CELF2: variants seen among roughly 807,000 people sequenced by gnomAD.
The protein encoded by CELF2 is CUGBP Elav-like family member 2.
A neutral mutation model predicts 62.6 loss-of-function variants in CELF2; 8 were observed. The ratio of observed to expected loss-of-function variants is 0.13; its 90% CI spans 0.07 to 0.23. The LOEUF (loss-of-function observed/expected upper bound fraction) is 0.23. Among genes scored for constraint, CELF2 ranks in the 10% least tolerant of loss-of-function variants. The pLI is 1.00. For synonymous variants in CELF2, 258 were observed against 250.0 expected (o/e 1.03, Z -0.30); for missense variants, 333 against 671.0 (o/e 0.50, Z 5.56).
chr10:11,162,345 T>C (rs2065913398), intron 1 of CELF2, among the ~76,000 whole-genome samples: 1 of 152,018 alleles, frequency 6.6e-6, no homozygotes, highest in Non-Finnish European at 1.5e-5. Flanking sequence ...ATCAGGAAGG[T>C]GGGGGGTGGT....
intron 2 of CELF2, among the ~76,000 whole-genome samples, chr10:10,959,389 A>C (rs2049243626): frequency 6.6e-6 from 1 of 152,250 alleles, no homozygotes; most frequent in South Asian, 2.1e-4. Context: ...ATTATGAGCC[A>C]CTAGTTTCTA....
intron 1 of CELF2, among the ~76,000 whole-genome samples, chr10:10,879,997 T>C (rs1485974468): frequency 1.3e-5 from 2 of 152,202 alleles, no homozygotes; most frequent in Non-Finnish European, 2.9e-5. Flanking sequence ...CAAGTTTAAA[T>C]CCATTTAGCA....
chr10:10,698,178 A>T, the CELF2 span, among the ~76,000 whole-genome samples: 1 of 152,210 alleles, frequency 6.6e-6, no homozygotes. Flanking sequence ...GATCCTAAAA[A>T]GTTGTCCAAT....
chr10:10,787,839 T>G, the CELF2 span, among the ~76,000 whole-genome samples: 1 of 152,168 alleles, frequency 6.6e-6, no homozygotes, highest in Admixed American at 6.6e-5. Context: ...CAGAGAAGCA[T>G]GTGTCCCAGA....
At position 11,117,098 on chromosome 10, in the gene CELF2, G is replaced by T. The variant is rs769454470; in HGVS notation, c.75-48388G>T. The stretch of plus-strand genomic sequence containing the variant: ...GAATCCACACTCAAGCCACTATGCT[G>T]TGCTGCTTCTGAGTAATACAAGGCA... On this transcript the variant is annotated intron_variant, in intron 1 of 12. Transcript: ENST00000633077. The surrounding 1 kb of genome is among the most constrained non-coding windows in gnomAD (Gnocchi z 4.1). Among the ~76,000 whole-genome samples the T allele has an allele frequency of 3.8e-4, 58 of 152,308 alleles. No homozygotes were observed. The highest frequency in any genetic ancestry group is 2.1e-3 in the South Asian group (10 of 4,830).
chr10:10,940,001 C>T (rs533767633), intron 2 of CELF2, among the ~76,000 whole-genome samples: 21 of 152,156 alleles, frequency 1.4e-4, no homozygotes, highest in Admixed American at 1.2e-3. Context: ...TGTCAGGCAG[C>T]GTCCATAGAC....
intron 9 of CELF2, among the ~76,000 whole-genome samples, chr10:11,293,385 T>G (rs1462607343): frequency 6.6e-6 from 1 of 152,256 alleles, no homozygotes; most frequent in Non-Finnish European, 1.5e-5. Flanking sequence ...AGTAACCTAC[T>G]ACTTATATGA....
rs1389996605 is a variant in CELF2, at chr10:11,075,011, A to G, written c.74+56848A>G. The G allele has an allele frequency of 6.6e-6, 1 of 152,232 alleles. No homozygotes were observed. Among genetic ancestry groups the G allele is most frequent in the African/African-American group, 2.4e-5 (1 of 41,474 alleles). The allele number at this position is 152,232 out of a possible 1,614,324, so 9.4% of individuals were successfully genotyped here. On this transcript the variant is annotated intron_variant, in intron 1 of 12. Transcript: ENST00000633077. The surrounding 1 kb of genome is among the most constrained non-coding windows in gnomAD (Gnocchi z 5.4). ...CATGTAGGTTCCCAGTTGGGCTGCA[A>G]GAACAACCTCTTTGACTCAGAATGG...
At chr10:10,979,044 T>C (rs1015238615) in intron 2 of CELF2, among the ~76,000 whole-genome samples, 11 of 152,182 alleles carry the variant, frequency 7.2e-5, no homozygotes, top group Middle Eastern at 3.2e-3. Context: ...TCAGGGCCAG[T>C]TCTCTGCCCT....
the CELF2 span, among the ~76,000 whole-genome samples, chr10:10,684,021 C>A: frequency 6.6e-6 from 1 of 152,166 alleles, no homozygotes; most frequent in East Asian, 1.9e-4. Flanking sequence ...AAAAAAAAAT[C>A]GCACGTACTT....
At chr10:11,038,008 G>A (rs928251700) in intron 1 of CELF2, among the ~76,000 whole-genome samples, 2 of 152,184 alleles carry the variant, frequency 1.3e-5, no homozygotes, top group African/African-American at 4.8e-5. Flanking sequence ...TGTAGTTTCT[G>A]TAAGACTTTG....
rs146786140 is a variant in CELF2 at position 11,324,664 on chromosome 10, T to C, written c.1295-1172T>C. Reference sequence around the variant, plus strand: ...TGAAAAGTCCCAATCATTAGGATACTTTCTTGTGATGTATTTTGTGGAGGC... The same window carrying C: ...TGAAAAGTCCCAATCATTAGGATACCTTCTTGTGATGTATTTTGTGGAGGC... On this transcript the variant is annotated intron_variant, in intron 11 of 12. Transcript: ENST00000633077. This position sits in a 1 kb window ranked among gnomAD's most constrained non-coding sequence, Gnocchi z 4.7. Among the ~76,000 whole-genome samples, 4 of 152,378 alleles carry C rather than the reference T, an allele frequency of 2.6e-5. No individual in the cohort carries two copies. The highest frequency in any genetic ancestry group is 7.2e-5 in the African/African-American group (3 of 41,592).
In CELF2 at chr10:11,162,466, A is replaced by T. The variant is rs141357425; in HGVS notation, c.75-3020A>T. On this transcript the variant is annotated intron_variant, in intron 1 of 12. Coordinates refer to ENST00000633077, the MANE Select transcript of CELF2 (RefSeq NM_001326342.2). ...TTGGAAAAGTTACTTCCAAAAGGGCAGGTAGTTTGGCAAGGATGTAGATAG... is the reference window on the plus strand; with the variant it reads ...TTGGAAAAGTTACTTCCAAAAGGGCTGGTAGTTTGGCAAGGATGTAGATAG... 4.1e-3 allele frequency among the ~76,000 whole-genome samples: 619 copies of T among 152,298 alleles called. 5 individuals carry two copies. Among genetic ancestry groups the T allele is most frequent in the African/African-American group, 0.014 (585 of 41,552 alleles).
At chr10:10,937,234 C>A (rs889451584) in intron 2 of CELF2, among the ~76,000 whole-genome samples, 1 of 148,126 alleles carries the variant, frequency 6.8e-6, no homozygotes, top group Non-Finnish European at 1.5e-5. Flanking sequence ...CAGGTTCAAG[C>A]GATTCTTCTG....
intron 9 of CELF2, among the ~76,000 whole-genome samples, chr10:11,293,145 C>T (rs1445986317): frequency 6.6e-6 from 1 of 152,226 alleles, no homozygotes; most frequent in Non-Finnish European, 1.5e-5. Flanking sequence ...GCCACGCCGT[C>T]GGCCTTTACG....
chr10:10,838,141 A>G (rs1427653844), intron 1 of CELF2, among the ~76,000 whole-genome samples: 1 of 152,002 alleles, frequency 6.6e-6, no homozygotes, highest in Admixed American at 6.6e-5. Flanking sequence ...GATGACCTTG[A>G]TCGTTTTGAG....
the CELF2 span, among the ~76,000 whole-genome samples, chr10:10,678,409 T>G: frequency 6.6e-6 from 1 of 152,152 alleles, no homozygotes. Context: ...AGAATTATGT[T>G]ATTTTGCAGC....
chr10:10,747,422 T>C, the CELF2 span, among the ~76,000 whole-genome samples: 24 of 152,134 alleles, frequency 1.6e-4, no homozygotes, highest in Non-Finnish European at 3.2e-4. Flanking sequence ...TTGCAAATTG[T>C]GGCAAGTGCA....
the CELF2 span, among the ~76,000 whole-genome samples, chr10:10,760,052 G>A: frequency 6.6e-6 from 1 of 152,182 alleles, no homozygotes; most frequent in African/African-American, 2.4e-5. Context: ...TTACAGGCAT[G>A]TGCCATCACG....
Sources: gnomAD v4.1 joint callset for allele counts (sites outside exome capture counted in the v4.1 genomes callset) on GRCh38, gnomAD v4.1.1 for gene constraint, Gnocchi (gnomAD v3.1) non-coding constraint, MANE v1.5 for transcripts, NCBI Gene and HGNC (gene_info 2026-07-23, HGNC 2026-07-21) for gene names.